Variants in AHRR observed in about 807,000 individuals in gnomAD.
AHRR encodes aryl hydrocarbon receptor repressor.
Under a neutral mutation model 44.0 loss-of-function variants are expected in AHRR, and 28 were observed. The observed-to-expected ratio is 0.64, with a 90% CI of 0.47 to 0.87. The LOEUF is 0.87. Ranked by LOEUF, AHRR falls within the 40% of genes least tolerant of loss-of-function variation. AHRR has a pLI of 0.00. For synonymous variants in AHRR, 434 were observed against 407.0 expected, an observed-to-expected ratio of 1.07 and a Z score of -0.80; for missense variants, 990 against 953.9, an observed-to-expected ratio of 1.04 and a Z score of -0.50.
chr5:403,697 C>G (rs1374076621), intron 4 of AHRR: 10 of 431,914 alleles, frequency 2.3e-5, no homozygotes, highest in Admixed American at 7.7e-5. Context: ...TTTTTTTTTA[C>G]TTTCTCTCAG....
In AHRR at chr5:384,057, G is replaced by A. The variant is rs544123733; in HGVS notation, c.351+7341G>A. The stretch of plus-strand genomic sequence containing the variant: ...GTTTGGGTCATGTGTCATGTATGTT[G>A]ACCCTGTATGTAAAATGCCTCCTTA... On this transcript the variant is annotated intron_variant, in intron 4 of 10. Transcript: ENST00000684583. Among the ~76,000 whole-genome samples, 131 of 151,966 alleles carry A rather than the reference G, an allele frequency of 8.6e-4. 1 individual carries two copies. Among genetic ancestry groups the A allele is most frequent in the Non-Finnish European group, 1.5e-3 (103 of 67,994 alleles).
chr5:419,168 ATT>A lies in AHRR; in HGVS notation c.442-3546_442-3545del, dbSNP rs11352803. Reference sequence around the variant, plus strand: ...GAATCTATTTTTTAAAAGGAATGGGATTTTTTTTTTTTTTTTGAGACAGTCTT... The same window carrying A: ...GAATCTATTTTTTAAAAGGAATGGGATTTTTTTTTTTTTTGAGACAGTCTT... On this transcript the variant is annotated intron_variant, in intron 5 of 10. Coordinates refer to ENST00000684583, the MANE Select transcript of AHRR (RefSeq NM_001377236.1). The surrounding 1 kb of genome is among the most constrained non-coding windows in gnomAD (Gnocchi z 4.4). The A allele has an allele frequency of 0.023, 3,290 of 142,014 alleles. 95 individuals carry two copies. Among genetic ancestry groups the A allele is most frequent in the African/African-American group, 0.069 (2,655 of 38,482 alleles). The allele number at this position is 142,014 out of a possible 1,614,324, so 8.8% of individuals were successfully genotyped here. A position where few individuals can be genotyped will look rare whatever the true frequency, so the allele number is the denominator to read the frequency against.
At position 388,564 on chromosome 5, in the gene AHRR, T is replaced by C. The variant is rs1734265909; in HGVS notation, c.351+11848T>C. The stretch of plus-strand genomic sequence containing the variant: ...CAGGTCTCTTCCAAACCAGGGCGTC[T>C]GCGGTGGCCCTGAGCCGAGGCTGCT... On this transcript the variant is annotated intron_variant, in intron 4 of 10. Coordinates refer to ENST00000684583, the MANE Select transcript of AHRR (RefSeq NM_001377236.1). This position sits in a 1 kb window ranked among gnomAD's most constrained non-coding sequence, Gnocchi z 5.2. Among the ~76,000 whole-genome samples the C allele has an allele frequency of 6.6e-6, 1 of 152,176 alleles. No individual in the cohort carries two copies. The highest frequency in any genetic ancestry group is 6.5e-5 in the Admixed American group (1 of 15,282).
At chr5:427,706 A>G in intron 7 of AHRR, 101 bp from the exon 8 acceptor site, 2 of 1,613,712 alleles carry the variant, frequency 1.2e-6, no homozygotes, top group Non-Finnish European at 1.7e-6. Context: ...CTGCCTCCCT[A>G]CGAATTCCAG....
intron 4 of AHRR, among the ~76,000 whole-genome samples, chr5:393,445 G>A (rs1040400817): frequency 6.6e-6 from 1 of 152,208 alleles, no homozygotes; most frequent in African/African-American, 2.4e-5. Flanking sequence ...GCACCTCCAC[G>A]AGTGGGAGAA....
chr5:371,078 C>T (rs973703628), intron 3 of AHRR, among the ~76,000 whole-genome samples: 4 of 152,114 alleles, frequency 2.6e-5, no homozygotes, highest in African/African-American at 9.7e-5. Context: ...GGGCCAGGGG[C>T]GCTGGGGTAA....
At chr5:398,775 G>T (rs531396310) in intron 4 of AHRR, among the ~76,000 whole-genome samples, 6 of 152,344 alleles carry the variant, frequency 3.9e-5, no homozygotes, top group Non-Finnish European at 7.4e-5. Flanking sequence ...AGGGCCTTCT[G>T]CCGCCAGGCC....
intron 5 of AHRR, chr5:421,263 C>A: frequency 2.9e-6 from 2 of 698,056 alleles, no homozygotes; most frequent in South Asian, 3.0e-5. Flanking sequence ...GAGCGGATGC[C>A]GTGTGCAGGC....
intron 5 of AHRR, among the ~76,000 whole-genome samples, chr5:420,036 A>G (rs974935467): frequency 3.9e-5 from 6 of 152,018 alleles, no homozygotes; most frequent in Non-Finnish European, 7.4e-5. Context: ...CAGCCTGGAG[A>G]CCCTTTGGAA....
intron 7 of AHRR, among the ~76,000 whole-genome samples, chr5:425,108 C>T (rs1163479168): frequency 6.6e-6 from 1 of 152,244 alleles, no homozygotes; most frequent in African/African-American, 2.4e-5. Context: ...CTCAGCTTTC[C>T]ACCCATTTGT....
In AHRR at chr5:395,384, A is replaced by T. The variant is rs1376267293; in HGVS notation, c.352-17960A>T. Among the ~76,000 whole-genome samples the T allele has an allele frequency of 1.3e-5, 2 of 152,242 alleles. No homozygotes were observed. The highest frequency in any genetic ancestry group is 2.4e-5 in the African/African-American group (1 of 41,460). ...GGAATAAAAGTCCCGGGAGAGGACA[A>T]GGTGGCAAACAGGAAGGGCAGCTGA... On this transcript the variant is annotated intron_variant, in intron 4 of 10. Coordinates refer to ENST00000684583, the MANE Select transcript of AHRR (RefSeq NM_001377236.1). The surrounding 1 kb of genome is among the most constrained non-coding windows in gnomAD (Gnocchi z 5.3).
At chr5:340,381 G>C (rs980408613) in intron 1 of AHRR, among the ~76,000 whole-genome samples, 1 of 151,776 alleles carries the variant, frequency 6.6e-6, no homozygotes, top group Non-Finnish European at 1.5e-5. Flanking sequence ...TGTTCTGGAG[G>C]CTGGGAAGTC....
At chr5:362,185 G>A (rs1185682472) in intron 3 of AHRR, among the ~76,000 whole-genome samples, 2 of 152,230 alleles carry the variant, frequency 1.3e-5, no homozygotes, top group African/African-American at 2.4e-5. Context: ...CACAAGCACA[G>A]CAGGAAATTC....
chr5:393,056 T>G (rs1193068914), intron 4 of AHRR, among the ~76,000 whole-genome samples: 6 of 152,116 alleles, frequency 3.9e-5, no homozygotes, highest in Non-Finnish European at 5.9e-5. Context: ...ATCCTTTGGG[T>G]TTTTTCCTCC....
chr5:434,277 CA>C lies in AHRR; in HGVS notation c.1539del (p.Gly514ValfsTer16). 1 of 1,605,716 alleles carries C rather than the reference CA, an allele frequency of 6.2e-7. No homozygotes were observed. The highest frequency in any genetic ancestry group is 8.5e-7 in the Non-Finnish European group (1 of 1,175,864). On this transcript the variant is annotated frameshift_variant, in exon 11 of 11. Coordinates refer to ENST00000684583, the MANE Select transcript of AHRR (RefSeq NM_001377236.1). Reference protein sequence around the residue: ...RGYPMEDMKLQGVPMPPGDLC... With the variant: ...RGYPMEDMKLXGVPMPPGDLC... ...CTATCCCATGGAGGACATGAAGCTG[CA>C]AGGTGTACCGATGCCTCCGGGGGAC...
chr5:383,051 C>G lies in AHRR; in HGVS notation c.351+6335C>G, dbSNP rs1734046536. The stretch of plus-strand genomic sequence containing the variant: ...TGTTATTTAGAAGTATGTTGTTTAA[C>G]TTACAAATATTTGGACATTTTCCAG... On this transcript the variant is annotated intron_variant, in intron 4 of 10. Transcript: ENST00000684583. The surrounding 1 kb of genome is among the most constrained non-coding windows in gnomAD (Gnocchi z 4.0). Among the ~76,000 whole-genome samples the G allele has an allele frequency of 6.6e-6, 1 of 152,196 alleles. No homozygotes were observed. Among genetic ancestry groups the G allele is most frequent in the Admixed American group, 6.5e-5 (1 of 15,282 alleles).
At chr5:351,343 A>G (rs1226584494) in intron 2 of AHRR, among the ~76,000 whole-genome samples, 3 of 152,236 alleles carry the variant, frequency 2.0e-5, no homozygotes, top group Non-Finnish European at 4.4e-5. Flanking sequence ...CAAACAGAGG[A>G]GACAACGCAA....
At chr5:418,100 T>A (rs1200483127) in intron 5 of AHRR, among the ~76,000 whole-genome samples, 3 of 152,242 alleles carry the variant, frequency 2.0e-5, no homozygotes, top group African/African-American at 7.2e-5. Context: ...TGCAAGCTTT[T>A]GCACAAAAAG....
At position 423,844 on chromosome 5, in the gene AHRR, A is replaced by G. The variant is rs1579703256; in HGVS notation, c.575A>G (p.Asp192Gly). The G allele has an allele frequency of 3.1e-6, 5 of 1,601,018 alleles. No individual in the cohort carries two copies. The highest frequency in any genetic ancestry group is 4.2e-6 in the Non-Finnish European group (5 of 1,176,826). The change falls in exon 7 of 11, where the codon GAT (aspartate) becomes GGT (glycine). Residue 192 changes from aspartate (D) to glycine (G), a missense_variant. By Grantham distance (94) the Asp-to-Gly change is moderately conservative. Coordinates refer to ENST00000684583, the MANE Select transcript of AHRR (RefSeq NM_001377236.1). ...FGQPPPLETG[D>G]DAILGRLLRA... ...CCTTGGCCCCTATGGTCTGCAGGAG[A>G]TGATGCTATCCTGGGGAGGCTGCTC...
Sources: gnomAD v4.1 joint callset for allele counts (sites outside exome capture counted in the v4.1 genomes callset) on GRCh38, gnomAD v4.1.1 for gene constraint, Gnocchi (gnomAD v3.1) non-coding constraint, MANE v1.5 for transcripts, NCBI Gene and HGNC (gene_info 2026-07-23, HGNC 2026-07-21) for gene names.